RALY: variants seen among roughly 807,000 people sequenced by gnomAD.
RALY encodes RNA-binding protein Raly.
A neutral mutation model predicts 30.7 loss-of-function variants in RALY; 15 were observed. That is an observed-to-expected ratio of 0.49 (90% CI 0.33 to 0.75). The LOEUF (loss-of-function observed/expected upper bound fraction) is 0.75, where lower values mean the gene tolerates loss of function less well. RALY is among the 30% of genes least tolerant of loss of function. The pLI is 0.02. For missense variants in RALY, 339 were observed against 414.3 expected (o/e 0.82, Z 1.58); for synonymous variants, 177 against 170.8 (o/e 1.04, Z -0.28).
chr20:34,069,715 C>T (rs1330187730), intron 2 of RALY, among the ~76,000 whole-genome samples: 2 of 152,192 alleles, frequency 1.3e-5, no homozygotes, highest in African/African-American at 2.4e-5. Context: ...ATGTATTGAG[C>T]ATTTCCTGCC....
intron 1 of RALY, among the ~76,000 whole-genome samples, chr20:34,021,023 G>A (rs941203698): frequency 2.0e-5 from 3 of 151,934 alleles, no homozygotes; most frequent in South Asian, 2.1e-4. Context: ...GTGCAGTGGT[G>A]CAATCTTGGC....
At chr20:34,072,359 G>C (rs763182410) in intron 3 of RALY, 29 bp downstream of exon 3, 1 of 1,595,768 alleles carries the variant, frequency 6.3e-7, no homozygotes, top group Admixed American at 1.7e-5. Context: ...TATTCTCCTA[G>C]TATTCTCTAG....
intron 1 of RALY, among the ~76,000 whole-genome samples, chr20:34,017,963 A>G (rs1873587633): frequency 6.6e-6 from 1 of 152,208 alleles, no homozygotes; most frequent in Non-Finnish European, 1.5e-5. Flanking sequence ...TGAGATTCCA[A>G]AGGCATGAAT....
intron 1 of RALY, among the ~76,000 whole-genome samples, chr20:34,011,413 A>C (rs1171613459): frequency 1.3e-5 from 2 of 152,172 alleles, no homozygotes; most frequent in Admixed American, 6.5e-5. Context: ...TTTTTAAGTA[A>C]ATTTTTACAT....
chr20:34,018,758 A>G (rs1275781286), intron 1 of RALY, among the ~76,000 whole-genome samples: 2 of 152,186 alleles, frequency 1.3e-5, no homozygotes, highest in Non-Finnish European at 2.9e-5. Flanking sequence ...CTTGTGGACT[A>G]CAGGTTTGCC....
At chr20:33,997,597 C>T (rs1568644608) in intron 1 of RALY, among the ~76,000 whole-genome samples, 2 of 152,104 alleles carry the variant, frequency 1.3e-5, no homozygotes, top group Non-Finnish European at 2.9e-5. Flanking sequence ...GAAATGTTCC[C>T]TCTTTCTTCC....
At chr20:34,041,887 T>A (rs2032714730) in intron 2 of RALY, among the ~76,000 whole-genome samples, 1 of 151,908 alleles carries the variant, frequency 6.6e-6, no homozygotes, top group African/African-American at 2.4e-5. Context: ...GGGTGGATCA[T>A]TTGAGGTGAG....
chr20:34,069,375 G>C (rs184769311), intron 2 of RALY, among the ~76,000 whole-genome samples: 2 of 152,246 alleles, frequency 1.3e-5, no homozygotes, highest in East Asian at 1.9e-4. Flanking sequence ...TCCTGATCTC[G>C]TCACAATACC....
chr20:34,035,559 A>G (rs778333480), intron 2 of RALY, among the ~76,000 whole-genome samples: 121 of 152,152 alleles, frequency 8.0e-4, no homozygotes, highest in Non-Finnish European at 1.5e-3. Flanking sequence ...CTCTTTCCCC[A>G]CGACCTAAAA....
At chr20:34,036,933 TTC>T (rs951892339) in intron 2 of RALY, among the ~76,000 whole-genome samples, 2 of 152,172 alleles carry the variant, frequency 1.3e-5, no homozygotes, top group African/African-American at 2.4e-5. Context: ...TTTTATTATT[TTC>T]TGTTTTATTT....
intron 1 of RALY, among the ~76,000 whole-genome samples, chr20:34,002,575 A>G (rs1456541555): frequency 1.3e-5 from 2 of 152,234 alleles, no homozygotes; most frequent in African/African-American, 2.4e-5. Context: ...ATCAGTAGAC[A>G]AGGAGACCAG....
chr20:34,021,536 A>G (rs776060658), intron 1 of RALY, among the ~76,000 whole-genome samples: 7 of 152,072 alleles, frequency 4.6e-5, no homozygotes, highest in Non-Finnish European at 8.8e-5. Context: ...ACATTAATCC[A>G]TTCATGAAGG....
rs974652943 is a variant in RALY, at chr20:34,036,922, T to A, written c.-10+5318T>A. Among the ~76,000 whole-genome samples the A allele has an allele frequency of 4.6e-5, 7 of 152,176 alleles. 1 individual carries two copies. Among genetic ancestry groups the A allele is most frequent in the African/African-American group, 2.4e-5 (1 of 41,446 alleles). On this transcript the variant is annotated intron_variant, in intron 2 of 9. Coordinates refer to ENST00000246194, the MANE Select transcript of RALY (RefSeq NM_016732.3). ...TTCATTGTTTTTCTTTTCCATTGAT[T>A]TTTTATTATTTTCTGTTTTATTTAT... is the stretch of plus-strand genomic sequence containing the variant.
intron 1 of RALY, among the ~76,000 whole-genome samples, chr20:34,000,954 G>C (rs1191036882): frequency 6.6e-6 from 1 of 152,230 alleles, no homozygotes; most frequent in East Asian, 1.9e-4. Context: ...CCTTTTTACA[G>C]TTTTGTGGAA....
At chr20:34,042,079 A>G (rs972404283) in intron 2 of RALY, among the ~76,000 whole-genome samples, 4 of 152,152 alleles carry the variant, frequency 2.6e-5, no homozygotes, top group Non-Finnish European at 4.4e-5. Flanking sequence ...AGATCAAGCC[A>G]CTGCAGTCCA....
At chr20:34,076,277 G>A (rs2033874961) in intron 6 of RALY, 2 of 589,274 alleles carry the variant, frequency 3.4e-6, no homozygotes. Flanking sequence ...TGAAGAAATG[G>A]TGCCATCTTT....
chr20:34,011,954 T>C (rs1210339608), intron 1 of RALY, among the ~76,000 whole-genome samples: 1 of 151,838 alleles, frequency 6.6e-6, no homozygotes, highest in African/African-American at 2.4e-5. Flanking sequence ...TAGTCCCAGC[T>C]ACTTGGGAGG....
In RALY at chr20:34,080,322, C is replaced by T. The variant is rs1203227861; in HGVS notation, c.*417C>T. On this transcript the variant is annotated 3_prime_UTR_variant, in exon 10 of 10. Coordinates refer to ENST00000246194, the MANE Select transcript of RALY (RefSeq NM_016732.3). Reference sequence around the variant, plus strand: ...GAAGATATCCCGGCCCCTCTGCCAACCAAAAAGCTGGTCTAGGGTGCCTAA... The same window carrying T: ...GAAGATATCCCGGCCCCTCTGCCAATCAAAAAGCTGGTCTAGGGTGCCTAA... The T allele has an allele frequency of 6.6e-6, 1 of 152,238 alleles. No individual in the cohort carries two copies. The highest frequency in any genetic ancestry group is 1.5e-5 in the Non-Finnish European group (1 of 68,098). 9.4% of individuals were successfully genotyped at this position (152,238 alleles called of 1,614,324 possible). A position where few individuals can be genotyped will look rare whatever the true frequency, so the allele number is the denominator to read the frequency against.
intron 2 of RALY, among the ~76,000 whole-genome samples, chr20:34,070,426 T>C (rs1008456064): frequency 2.0e-5 from 3 of 152,154 alleles, no homozygotes; most frequent in African/African-American, 7.2e-5. Context: ...TGTACAGCCC[T>C]TTGGGGTAAA....
Sources: allele counts gnomAD v4.1 joint callset (sites outside exome capture counted in the v4.1 genomes callset), GRCh38; gene constraint gnomAD v4.1.1; transcripts MANE v1.5; gene names NCBI Gene and HGNC (gene_info 2026-07-23, HGNC 2026-07-21).